The following RBM39 variants were observed in gnomAD, a reference collection of about 807,000 sequenced individuals.
The protein encoded by RBM39 is RNA-binding protein 39.
Under a neutral mutation model 79.6 loss-of-function variants are expected in RBM39, and 12 were observed. The observed-to-expected ratio is 0.15, with a 90% confidence interval of 0.10 to 0.24. The LOEUF (loss-of-function observed/expected upper bound fraction) is 0.24. Among genes scored for constraint, RBM39 ranks in the 10% least tolerant of loss-of-function variants. RBM39 has a pLI of 1.00. For synonymous variants in RBM39, 185 were observed against 208.4 expected (o/e 0.89, Z 0.97); for missense variants, 243 against 653.4 (o/e 0.37, Z 6.85).
intron 6 of RBM39, among the ~76,000 whole-genome samples, chr20:35,729,018 G>A (rs2039072026): frequency 6.6e-6 from 1 of 152,130 alleles, no homozygotes; most frequent in Non-Finnish European, 1.5e-5. Context: ...GGAGGTTGCA[G>A]TAAGCCAAGA....
At chr20:35,727,597 T>C (rs1459227394) in intron 6 of RBM39, among the ~76,000 whole-genome samples, 3 of 151,188 alleles carry the variant, frequency 2.0e-5, no homozygotes, top group Admixed American at 2.0e-4. Flanking sequence ...TGCCTCAGCA[T>C]CCCAAGTAGC....
intron 11 of RBM39, 179 bp downstream of exon 11, chr20:35,714,006 T>C (rs1335322674): frequency 8.0e-6 from 5 of 626,470 alleles, no homozygotes; most frequent in South Asian, 4.3e-5. Flanking sequence ...ACACATAATA[T>C]AGATTTCCAT....
chr20:35,735,031 G>A (rs945495887), intron 3 of RBM39: 18 of 1,599,864 alleles, frequency 1.1e-5, no homozygotes, highest in Non-Finnish European at 1.4e-5. Flanking sequence ...TGCTATAACT[G>A]GATTTGACCT....
chr20:35,724,404 A>T (rs2146624691), intron 8 of RBM39, among the ~76,000 whole-genome samples, 166 bp downstream of exon 8: 1 of 151,696 alleles, frequency 6.6e-6, no homozygotes, highest in Non-Finnish European at 1.5e-5. Context: ...TCTTGAGAAA[A>T]CTGTATCAAT....
chr20:35,740,659 T>C, intron 2 of RBM39, 165 bp downstream of exon 2: 1 of 1,314,744 alleles, frequency 7.6e-7, no homozygotes, highest in Admixed American at 2.0e-5. Context: ...TGCACAATAT[T>C]ATTACATCAA....
At position 35,729,262 on chromosome 20, in the gene RBM39, T is replaced by G. The variant is rs370705956; in HGVS notation, c.416+50A>C. 43 of 1,472,672 alleles carry G rather than the reference T, an allele frequency of 2.9e-5. No individual in the cohort carries two copies. The African/African-American group carries it at 5.5e-4, about 19-fold the overall frequency. 91.2% of individuals were successfully genotyped at this position (1,472,672 alleles called of 1,614,324 possible). A position where few individuals can be genotyped will look rare whatever the true frequency, so the allele number is the denominator to read the frequency against. On this transcript the variant is annotated intron_variant, in intron 6 of 16. Coordinates refer to ENST00000253363, the MANE Select transcript of RBM39 (RefSeq NM_184234.3). ...AATATCATCAAATTTAACAGTACCA[T>G]AAGCTGCAAAAGCTTTTTAAGAGCT...
At chr20:35,739,220 A>G (rs2146752580) in intron 2 of RBM39, 1 of 603,918 alleles carries the variant, frequency 1.7e-6, no homozygotes, top group East Asian at 3.0e-5. Flanking sequence ...TCATCAAGAT[A>G]CAAAAATAAA....
At chr20:35,713,247 G>C (rs939233148) in intron 11 of RBM39, 151 bp from the exon 12 acceptor site, 1 of 556,620 alleles carries the variant, frequency 1.8e-6, no homozygotes. Context: ...AGCACTCTGG[G>C]AGGCCAAGGG....
intron 11 of RBM39, chr20:35,713,395 G>A (rs1010282604): frequency 1.5e-5 from 3 of 204,576 alleles, no homozygotes; most frequent in Non-Finnish European, 3.0e-5. Flanking sequence ...GCGCAATCTC[G>A]GCTCACTGCA....
At chr20:35,713,676 A>C (rs1333048581) in intron 11 of RBM39, 2 of 146,222 alleles carry the variant, frequency 1.4e-5, no homozygotes, top group African/African-American at 2.5e-5. Flanking sequence ...CAAAAAAAAA[A>C]AAAAAAAAAA....
chr20:35,704,229 T>C lies in RBM39; in HGVS notation c.*252A>G, dbSNP rs181449984. On this transcript the variant is annotated 3_prime_UTR_variant, in exon 17 of 17. Transcript: ENST00000253363. ...TGTTCTCCTAGAGCTATTCCTATAG[T>C]TCATTAATTTTCTACATGAACATTT... 2 of 303,336 alleles carry C rather than the reference T, an allele frequency of 6.6e-6. No homozygotes were observed. The highest frequency in any genetic ancestry group is 6.8e-5 in the East Asian group (1 of 14,634). The allele number at this position is 303,336 out of a possible 1,614,324, so 18.8% of individuals were successfully genotyped here.
chr20:35,733,820 T>TA lies in RBM39; in HGVS notation c.102-1686dup, dbSNP rs1569066100. On this transcript the variant is annotated intron_variant, in intron 3 of 16. Coordinates refer to ENST00000253363, the MANE Select transcript of RBM39 (RefSeq NM_184234.3). ...CACAGACCTTTTTAAAATCTCTAAC[T>TA]AAAAACCAAAAAAGCCAAACATATC... Among the ~76,000 whole-genome samples the TA allele has an allele frequency of 2.0e-5, 3 of 152,232 alleles. No homozygotes were observed. The South Asian group carries it at 6.2e-4, about 32-fold the overall frequency.
chr20:35,734,035 T>TAA, intron 3 of RBM39, among the ~76,000 whole-genome samples: 2 of 152,228 alleles, frequency 1.3e-5, no homozygotes, highest in Non-Finnish European at 2.9e-5. Context: ...TTAAACATTT[T>TAA]GACAATTCTG....
chr20:35,708,241 C>T (rs1465319412), intron 13 of RBM39, among the ~76,000 whole-genome samples: 3 of 151,546 alleles, frequency 2.0e-5, no homozygotes, highest in African/African-American at 2.4e-5. Context: ...GTTAAAGATT[C>T]GAGAGTGTAT....
chr20:35,706,619 C>T (rs1195271158), intron 14 of RBM39, among the ~76,000 whole-genome samples: 2 of 152,174 alleles, frequency 1.3e-5, no homozygotes, highest in African/African-American at 4.8e-5. Flanking sequence ...GGCATAGTTA[C>T]TAGCATTCTA....
At chr20:35,709,676 C>A (rs182269666) in intron 12 of RBM39, among the ~76,000 whole-genome samples, 250 of 152,226 alleles carry the variant, frequency 1.6e-3, no homozygotes, top group African/African-American at 5.9e-3. Context: ...GTACTTAACA[C>A]TTTAAAAGGA....
rs2035473700 is a variant in RBM39, at chr20:35,704,337, A to T, written c.*144T>A. ...ATGAGCACACTGCATTCCTGTTAAC[A>T]TTTTTATTTTTTCAAGGTAACAGGA... On this transcript the variant is annotated 3_prime_UTR_variant, in exon 17 of 17. Coordinates refer to ENST00000253363, the MANE Select transcript of RBM39 (RefSeq NM_184234.3). The T allele has an allele frequency of 1.6e-6, 1 of 614,090 alleles. No homozygotes were observed. Among genetic ancestry groups the T allele is most frequent in the African/African-American group, 1.9e-5 (1 of 53,970 alleles). 38.0% of individuals were successfully genotyped at this position (614,090 alleles called of 1,614,324 possible). A position where few individuals can be genotyped will look rare whatever the true frequency, so the allele number is the denominator to read the frequency against.
In RBM39 at chr20:35,741,971, C is replaced by A. The variant is rs2040596334; in HGVS notation, c.-44G>T. On this transcript the variant is annotated 5_prime_UTR_variant, in exon 1 of 17. Coordinates refer to ENST00000253363, the MANE Select transcript of RBM39 (RefSeq NM_184234.3). Reference sequence around the variant, plus strand: ...CCGGCCTTCGGGCGCCTGTGGTGCTCGTGTTCGGGAAGAGATTGCTGCTGC... The same window carrying A: ...CCGGCCTTCGGGCGCCTGTGGTGCTAGTGTTCGGGAAGAGATTGCTGCTGC... 1 of 235,608 alleles carries A rather than the reference C, an allele frequency of 4.2e-6. No homozygotes were observed. 14.6% of individuals were successfully genotyped at this position (235,608 alleles called of 1,614,324 possible).
Position 35,704,656 on chromosome 20 carries a change from A to ATT in RBM39, c.1492+10_1492+11dup, listed in dbSNP as rs763655090. 6.7e-5 allele frequency: 108 copies of ATT among 1,613,688 alleles called. No individual in the cohort carries two copies. Among genetic ancestry groups the ATT allele is most frequent in the Non-Finnish European group, 8.7e-5 (103 of 1,179,746 alleles). On this transcript the variant is annotated intron_variant, in intron 16 of 16. Transcript: ENST00000253363. The stretch of plus-strand genomic sequence containing the variant: ...TTAATAACAATCAGTCAAAAAATAA[A>ATT]TTCAAACTCACCAGCAAACCACCTG...
Sources: allele counts gnomAD v4.1 joint callset (sites outside exome capture counted in the v4.1 genomes callset), GRCh38; gene constraint gnomAD v4.1.1; transcripts MANE v1.5; gene names NCBI Gene and HGNC (gene_info 2026-07-23, HGNC 2026-07-21).